ELMO1: variants seen among roughly 807,000 people sequenced by gnomAD.
ELMO1 encodes engulfment and cell motility 1.
Under a neutral mutation model 98.9 loss-of-function variants are expected in ELMO1, and 26 were observed. That is an observed-to-expected ratio of 0.26 (90% CI 0.19 to 0.36). ELMO1 has a LOEUF of 0.36. Ranked by LOEUF, ELMO1 falls within the 10% of genes least tolerant of loss-of-function variation. The probability of loss-of-function intolerance (pLI) is 1.00; values close to 1 mark genes in which losing one functional copy is unlikely to be tolerated. For synonymous variants in ELMO1, 346 were observed against 346.0 expected (o/e 1.00, Z 0.00); for missense variants, 627 against 935.2 (o/e 0.67, Z 4.30).
chr7:36,938,201 C>T (rs1300360471), intron 16 of ELMO1, among the ~76,000 whole-genome samples: 2 of 152,188 alleles, frequency 1.3e-5, no homozygotes, highest in Non-Finnish European at 2.9e-5. Flanking sequence ...AAATGTGTTT[C>T]TTCCAGTTAT....
intron 13 of ELMO1, among the ~76,000 whole-genome samples, chr7:37,144,337 A>T (rs528654058): frequency 6.6e-6 from 1 of 152,224 alleles, no homozygotes; most frequent in South Asian, 2.1e-4. Flanking sequence ...TACAACCACA[A>T]ATTTTAATAA....
chr7:36,973,158 T>C (rs948397486), intron 16 of ELMO1, among the ~76,000 whole-genome samples: 1 of 152,230 alleles, frequency 6.6e-6, no homozygotes, highest in Non-Finnish European at 1.5e-5. Flanking sequence ...CAGGCTTAAA[T>C]GTCCACTTGA....
intron 4 of ELMO1, among the ~76,000 whole-genome samples, chr7:37,314,417 G>C (rs1417784130): frequency 6.6e-6 from 1 of 152,092 alleles, no homozygotes; most frequent in African/African-American, 2.4e-5. Flanking sequence ...GGGTTCCCAA[G>C]ATTCATAGAA....
At chr7:37,330,053 G>T (rs1373236484) in intron 2 of ELMO1, among the ~76,000 whole-genome samples, 1 of 152,184 alleles carries the variant, frequency 6.6e-6, no homozygotes, top group Non-Finnish European at 1.5e-5. Flanking sequence ...CTTGGACACG[G>T]TATTAAAGTC....
chr7:37,183,025 A>C (rs556967457), intron 13 of ELMO1, among the ~76,000 whole-genome samples: 16 of 152,290 alleles, frequency 1.1e-4, no homozygotes, highest in African/African-American at 3.9e-4. Context: ...TAACACACGG[A>C]AGCTAGGTTT....
At chr7:37,299,695 G>T (rs1167080633) in intron 4 of ELMO1, among the ~76,000 whole-genome samples, 2 of 72,126 alleles carry the variant, frequency 2.8e-5, no homozygotes, top group African/African-American at 8.2e-5. Flanking sequence ...TTGAAGTCAG[G>T]TAGTGTGATG....
chr7:36,987,293 C>T (rs1207621231), intron 16 of ELMO1, among the ~76,000 whole-genome samples: 1 of 152,110 alleles, frequency 6.6e-6, no homozygotes, highest in African/African-American at 2.4e-5. Context: ...CATCTCTCTC[C>T]TTAGCAGCAG....
chr7:37,324,028 T>G (rs1188735207), intron 2 of ELMO1, among the ~76,000 whole-genome samples: 2 of 152,088 alleles, frequency 1.3e-5, no homozygotes, highest in Non-Finnish European at 2.9e-5. Flanking sequence ...TCCTTGGCTG[T>G]TTATTTAGGA....
intron 13 of ELMO1, among the ~76,000 whole-genome samples, chr7:37,175,753 A>C (rs1359799793): frequency 6.6e-6 from 1 of 152,180 alleles, no homozygotes; most frequent in Non-Finnish European, 1.5e-5. Flanking sequence ...AGGCTGAGGC[A>C]CCAGAATCAC....
intron 13 of ELMO1, among the ~76,000 whole-genome samples, chr7:37,158,606 A>T (rs959435705): frequency 6.6e-6 from 1 of 152,232 alleles, no homozygotes; most frequent in East Asian, 1.9e-4. Flanking sequence ...ACAATGAGAT[A>T]CCATCTCACA....
At chr7:36,988,294 C>T (rs1199894561) in intron 16 of ELMO1, among the ~76,000 whole-genome samples, 1 of 152,214 alleles carries the variant, frequency 6.6e-6, no homozygotes, top group African/African-American at 2.4e-5. Context: ...CCTGCCTAGT[C>T]TCCTCTGCCA....
At chr7:36,982,854 G>C (rs563845403) in intron 16 of ELMO1, among the ~76,000 whole-genome samples, 21 of 152,352 alleles carry the variant, frequency 1.4e-4, no homozygotes, top group African/African-American at 4.6e-4. Flanking sequence ...GGCTGAACCA[G>C]GAGTGGAGGA....
chr7:37,378,532 G>GA (rs1425403956), intron 1 of ELMO1, among the ~76,000 whole-genome samples: 1 of 151,756 alleles, frequency 6.6e-6, no homozygotes, highest in Admixed American at 6.5e-5. Context: ...TCTCCCTCTA[G>GA]AAAAAGAGGG....
At chr7:37,417,684 A>ACAC (rs765287929) in intron 1 of ELMO1, among the ~76,000 whole-genome samples, 3 of 113,390 alleles carry the variant, frequency 2.6e-5, no homozygotes, top group Non-Finnish European at 4.2e-5. Context: ...ACACACACAC[A>ACAC]AGCAAAAATT....
At chr7:36,922,941 A>G (rs1043502643) in intron 16 of ELMO1, among the ~76,000 whole-genome samples, 19 of 152,186 alleles carry the variant, frequency 1.2e-4, no homozygotes, top group African/African-American at 4.6e-4. Flanking sequence ...GACCACCAGC[A>G]AAGTGGTCAT....
intron 2 of ELMO1, among the ~76,000 whole-genome samples, chr7:37,340,575 T>C (rs1386408487): frequency 6.6e-6 from 1 of 152,212 alleles, no homozygotes; most frequent in East Asian, 1.9e-4. Context: ...AGTTGGTAGT[T>C]ATGTTAATGT....
intron 14 of ELMO1, among the ~76,000 whole-genome samples, chr7:37,098,252 G>C (rs1286789872): frequency 6.6e-6 from 1 of 152,144 alleles, no homozygotes; most frequent in Non-Finnish European, 1.5e-5. Flanking sequence ...AGTATTAATT[G>C]AGCACCTGTT....
intron 15 of ELMO1, among the ~76,000 whole-genome samples, chr7:37,094,566 C>T (rs1288172006): frequency 6.6e-6 from 1 of 152,150 alleles, no homozygotes; most frequent in Non-Finnish European, 1.5e-5. Flanking sequence ...GTCCCCTCCA[C>T]CCACTGGATG....
chr7:37,097,063 T>C (rs1428076715), intron 14 of ELMO1, among the ~76,000 whole-genome samples: 1 of 152,236 alleles, frequency 6.6e-6, no homozygotes, highest in Non-Finnish European at 1.5e-5. Context: ...CCCATTTCTG[T>C]CCTCTTTTCT....
Sources: allele counts gnomAD v4.1 joint callset (sites outside exome capture counted in the v4.1 genomes callset), GRCh38; gene constraint gnomAD v4.1.1; transcripts MANE v1.5; gene names NCBI Gene and HGNC (gene_info 2026-07-23, HGNC 2026-07-21).